Variants in PCSK5 observed in about 807,000 individuals in gnomAD.
PCSK5 encodes the protein prohormone convertase 5.
PCSK5 carries 129 observed loss-of-function variants against 233.2 expected under a neutral mutation model. That is an observed-to-expected ratio of 0.55 (90% CI 0.48 to 0.64). The LOEUF (loss-of-function observed/expected upper bound fraction) is 0.64, where lower values mean the gene tolerates loss of function less well. PCSK5 is among the 30% of genes least tolerant of loss of function. The pLI is 0.00. For synonymous variants in PCSK5, 825 were observed against 879.2 expected (o/e 0.94, Z 1.09); for missense variants, 2,076 against 2,430.1 (o/e 0.85, Z 3.06).
intron 2 of PCSK5, among the ~76,000 whole-genome samples, chr9:75,985,281 G>A (rs1404520965): frequency 6.6e-6 from 1 of 152,094 alleles, no homozygotes; most frequent in East Asian, 1.9e-4. Context: ...TATAAATTCT[G>A]CATTAGACTC....
chr9:76,017,213 C>G (rs999928457), intron 3 of PCSK5, among the ~76,000 whole-genome samples: 2 of 152,172 alleles, frequency 1.3e-5, no homozygotes, highest in Non-Finnish European at 2.9e-5. Context: ...TTCCAGCCCA[C>G]GACCTCAAAT....
intron 37 of PCSK5, among the ~76,000 whole-genome samples, chr9:76,357,322 GC>G (rs532450994): frequency 2.2e-4 from 33 of 152,220 alleles, no homozygotes; most frequent in African/African-American, 7.9e-4. Context: ...TTCAAGACCA[GC>G]CTGGCCAACA....
intron 13 of PCSK5, among the ~76,000 whole-genome samples, chr9:76,171,633 A>G (rs1286798368): frequency 6.6e-6 from 1 of 152,174 alleles, no homozygotes; most frequent in Non-Finnish European, 1.5e-5. Flanking sequence ...TACAGAGCTT[A>G]CTATGATTAT....
At chr9:76,002,221 T>C (rs1204057786) in intron 3 of PCSK5, among the ~76,000 whole-genome samples, 1 of 152,176 alleles carries the variant, frequency 6.6e-6, no homozygotes, top group Non-Finnish European at 1.5e-5. Flanking sequence ...CTTTATGTAA[T>C]ATCTAATAGT....
At chr9:75,944,790 T>C (rs1262316845) in intron 2 of PCSK5, among the ~76,000 whole-genome samples, 1 of 152,056 alleles carries the variant, frequency 6.6e-6, no homozygotes, top group Non-Finnish European at 1.5e-5. Context: ...CAACTAGATG[T>C]TTAATAAGCA....
At chr9:76,106,707 C>A (rs952279015) in intron 8 of PCSK5, among the ~76,000 whole-genome samples, 1 of 152,172 alleles carries the variant, frequency 6.6e-6, no homozygotes, top group Admixed American at 6.5e-5. Flanking sequence ...TCTATTGATT[C>A]TAGAAACAGG....
At position 76,351,515 on chromosome 9, in the gene PCSK5, A is replaced by G. The variant is rs575020134; in HGVS notation, c.5067+587A>G. 3.8e-3 allele frequency among the ~76,000 whole-genome samples: 279 copies of G among 72,896 alleles called. 2 individuals are homozygous for G. The highest frequency in any genetic ancestry group is 7.3e-3 in the Non-Finnish European group (191 of 26,070). The allele number at this position is 72,896 out of a possible 152,430, so 47.8% of individuals were successfully genotyped here. ...AAGAAAGAAAGAAAGAAAGAAAGAA[A>G]GAAAGAAAGAAAGAAAGGAAGGAAA... On this transcript the variant is annotated intron_variant, in intron 36 of 37. Transcript: ENST00000674117.
intron 20 of PCSK5, among the ~76,000 whole-genome samples, chr9:76,225,721 A>G (rs1390643415): frequency 6.6e-6 from 1 of 151,826 alleles, no homozygotes; most frequent in Non-Finnish European, 1.5e-5. Context: ...TGAAATCACC[A>G]CTCCTGCTAG....
At chr9:76,257,933 C>G (rs1827037403) in intron 24 of PCSK5, among the ~76,000 whole-genome samples, 1 of 152,188 alleles carries the variant, frequency 6.6e-6, no homozygotes, top group Non-Finnish European at 1.5e-5. Context: ...TCCATAAAGA[C>G]AGTGTGTTCT....
chr9:76,303,497 A>G (rs1412903878), intron 28 of PCSK5, among the ~76,000 whole-genome samples: 2 of 152,244 alleles, frequency 1.3e-5, no homozygotes, highest in Non-Finnish European at 2.9e-5. Flanking sequence ...TTATAAATAT[A>G]TTTTAGTATA....
chr9:76,304,383 A>T (rs1828710644), intron 28 of PCSK5, among the ~76,000 whole-genome samples: 1 of 152,192 alleles, frequency 6.6e-6, no homozygotes, highest in African/African-American at 2.4e-5. Context: ...TCAGCTTTGT[A>T]TCCATGATTG....
intron 1 of PCSK5, among the ~76,000 whole-genome samples, chr9:75,891,959 G>A (rs867329159): frequency 6.6e-6 from 1 of 152,124 alleles, no homozygotes; most frequent in Non-Finnish European, 1.5e-5. Context: ...GGCCGGCCCC[G>A]GTGTGAGTGC....
intron 24 of PCSK5, among the ~76,000 whole-genome samples, chr9:76,256,926 G>T (rs565200600): frequency 6.6e-6 from 1 of 152,244 alleles, no homozygotes; most frequent in Middle Eastern, 3.4e-3. Context: ...TGCCTTCCTT[G>T]TACCTCCTAA....
intron 5 of PCSK5, among the ~76,000 whole-genome samples, chr9:76,046,177 T>G (rs993572163): frequency 0.012 from 1,471 of 118,156 alleles, 17 homozygotes; most frequent in Non-Finnish European, 0.019. Flanking sequence ...TTTTTTTTTT[T>G]TTTTTTTTTT....
At chr9:76,045,973 C>T (rs1370651906) in intron 5 of PCSK5, among the ~76,000 whole-genome samples, 4 of 151,990 alleles carry the variant, frequency 2.6e-5, no homozygotes, top group Non-Finnish European at 4.4e-5. Context: ...TTCATAACTA[C>T]TACATTTTCC....
rs1041832849 is a variant in PCSK5 at position 76,359,446 on chromosome 9, G to C, written c.*524G>C. ...TTGTTTTGTAAGGGCCAAGAAAAGAGGGCTCTTATCAATTGACTCCAGGCC... is the reference window on the plus strand; with the variant it reads ...TTGTTTTGTAAGGGCCAAGAAAAGACGGCTCTTATCAATTGACTCCAGGCC... On this transcript the variant is annotated 3_prime_UTR_variant, in exon 38 of 38. Transcript: ENST00000674117. 2 of 161,200 alleles carry C rather than the reference G, an allele frequency of 1.2e-5. No individual in the cohort carries two copies. The highest frequency in any genetic ancestry group is 2.7e-5 in the Non-Finnish European group (2 of 72,978). The allele number at this position is 161,200 out of a possible 1,614,324, so 10.0% of individuals were successfully genotyped here.
At chr9:75,931,890 G>A (rs1014924486) in intron 1 of PCSK5, among the ~76,000 whole-genome samples, 1 of 151,990 alleles carries the variant, frequency 6.6e-6, no homozygotes, top group Non-Finnish European at 1.5e-5. Context: ...ACAAACAAAC[G>A]AAGTCATGTT....
At chr9:76,315,928 GTTT>G (rs71499141) in intron 30 of PCSK5, among the ~76,000 whole-genome samples, 24 of 91,784 alleles carry the variant, frequency 2.6e-4, no homozygotes, top group African/African-American at 6.2e-4. Context: ...CACTTCAAGG[GTTT>G]TTTTTTTTTT....
chr9:76,273,256 T>A (rs1449741053), intron 24 of PCSK5, among the ~76,000 whole-genome samples: 1 of 152,184 alleles, frequency 6.6e-6, no homozygotes, highest in African/African-American at 2.4e-5. Flanking sequence ...TGTGCTCTAA[T>A]TTAGGTATCA....
Sources: gnomAD v4.1 joint callset for allele counts (sites outside exome capture counted in the v4.1 genomes callset) on GRCh38, gnomAD v4.1.1 for gene constraint, MANE v1.5 for transcripts, NCBI Gene and HGNC (gene_info 2026-07-23, HGNC 2026-07-21) for gene names.